Variants in NALF1 observed in about 807,000 individuals in gnomAD.
The protein encoded by NALF1 is family with sequence similarity 155 member A.
In NALF1, 3 loss-of-function variants were observed where a neutral mutation model predicts 48.4. The ratio of observed to expected loss-of-function variants is 0.06; its 90% CI spans 0.03 to 0.16. The LOEUF is 0.16. Ranked by LOEUF, NALF1 falls within the 10% of genes least tolerant of loss-of-function variation. NALF1 has a pLI of 1.00. For missense variants in NALF1, 526 were observed against 571.5 expected (o/e 0.92, Z 0.81); for synonymous variants, 262 against 245.7 (o/e 1.07, Z -0.62).
In NALF1 at chr13:107,426,892, TATAAC is replaced by T. The variant is rs781671756; in HGVS notation, c.916-216142_916-216138del. The stretch of plus-strand genomic sequence containing the variant: ...AATAATTTAAATTTCAGGCTCTTGA[TATAAC>T]AGAATAAAATATCATACAGTTATTA... On this transcript the variant is annotated intron_variant, in intron 1 of 2. Transcript: ENST00000375915. Among the ~76,000 whole-genome samples the T allele has an allele frequency of 3.3e-5, 5 of 152,132 alleles. No homozygotes were observed. In the East Asian group the frequency reaches 5.8e-4, roughly 18 times the overall value.
chr13:107,498,604 A>C (rs1290775702), intron 1 of NALF1, among the ~76,000 whole-genome samples: 1 of 152,198 alleles, frequency 6.6e-6, no homozygotes, highest in Non-Finnish European at 1.5e-5. Context: ...GGGGGAGAAC[A>C]ACGTGGAATT....
intron 1 of NALF1, among the ~76,000 whole-genome samples, chr13:107,713,537 C>T (rs1236026947): frequency 6.6e-6 from 1 of 152,114 alleles, no homozygotes; most frequent in African/African-American, 2.4e-5. Context: ...GATGAGGTAA[C>T]TGAGGGATAA....
intron 1 of NALF1, among the ~76,000 whole-genome samples, chr13:107,864,726 T>C (rs1880663659): frequency 6.6e-6 from 1 of 152,220 alleles, no homozygotes; most frequent in Non-Finnish European, 1.5e-5. Flanking sequence ...GTAAATCTCA[T>C]TTCAGCACCA....
chr13:107,647,741 T>C (rs998789487), intron 1 of NALF1, among the ~76,000 whole-genome samples: 2 of 152,032 alleles, frequency 1.3e-5, no homozygotes, highest in Non-Finnish European at 2.9e-5. Context: ...TAAATATAAT[T>C]AAGGAATATT....
chr13:107,287,741 T>G (rs1287836148), intron 1 of NALF1, among the ~76,000 whole-genome samples: 1 of 151,130 alleles, frequency 6.6e-6, no homozygotes, highest in African/African-American at 2.4e-5. Flanking sequence ...AGTCTTGTTT[T>G]GTCGCCCAGG....
intron 1 of NALF1, among the ~76,000 whole-genome samples, chr13:107,294,238 G>A (rs1332826794): frequency 6.6e-6 from 1 of 152,104 alleles, no homozygotes; most frequent in Non-Finnish European, 1.5e-5. Context: ...AAAATGAGTT[G>A]AATCCCAGGC....
At chr13:107,742,746 G>T (rs77588822) in intron 1 of NALF1, among the ~76,000 whole-genome samples, 6,444 of 152,254 alleles carry the variant, frequency 0.042, 348 homozygotes, top group African/African-American at 0.12. Context: ...TCTCACTAGA[G>T]TGTGGTAAGC....
intron 1 of NALF1, among the ~76,000 whole-genome samples, chr13:107,579,586 C>CT (rs1555310183): frequency 2.0e-5 from 3 of 150,696 alleles, no homozygotes; most frequent in African/African-American, 7.3e-5. Context: ...AGTCTGATGC[C>CT]TTTCTTTTCT....
At chr13:107,474,773 G>A (rs997103293) in intron 1 of NALF1, among the ~76,000 whole-genome samples, 1 of 151,948 alleles carries the variant, frequency 6.6e-6, no homozygotes, top group African/African-American at 2.4e-5. Context: ...AGTTTTTTTT[G>A]TTAACAGAAG....
intron 1 of NALF1, among the ~76,000 whole-genome samples, chr13:107,631,164 T>C (rs900005642): frequency 1.3e-5 from 2 of 152,108 alleles, no homozygotes; most frequent in Admixed American, 1.3e-4. Flanking sequence ...ACCTGGCTAA[T>C]GTTTTTCATT....
chr13:107,585,712 T>C (rs1305707780), intron 1 of NALF1, among the ~76,000 whole-genome samples: 1 of 152,140 alleles, frequency 6.6e-6, no homozygotes, highest in Admixed American at 6.6e-5. Context: ...CCATCTGTTC[T>C]TGGATAATAG....
intron 1 of NALF1, among the ~76,000 whole-genome samples, chr13:107,594,309 C>T (rs1488141134): frequency 6.6e-6 from 1 of 152,060 alleles, no homozygotes; most frequent in Non-Finnish European, 1.5e-5. Context: ...AGGCACTCAA[C>T]AAAGATGAAT....
intron 2 of NALF1, among the ~76,000 whole-genome samples, chr13:107,194,256 G>A (rs1029175311): frequency 1.1e-4 from 16 of 151,986 alleles, no homozygotes; most frequent in African/African-American, 1.7e-4. Context: ...CATCTTGAGC[G>A]CTTGGCTGAT....
At chr13:107,284,555 A>G (rs1305567078) in intron 1 of NALF1, among the ~76,000 whole-genome samples, 3 of 132,730 alleles carry the variant, frequency 2.3e-5, no homozygotes, top group Admixed American at 1.5e-4. Flanking sequence ...TGTAACTGCT[A>G]TGGACTGAAC....
intron 1 of NALF1, among the ~76,000 whole-genome samples, chr13:107,390,087 T>C (rs1158866551): frequency 6.6e-6 from 1 of 152,140 alleles, no homozygotes; most frequent in Non-Finnish European, 1.5e-5. Context: ...AGTAGATTAT[T>C]GGCCGGGCAA....
chr13:107,397,306 T>C (rs1883728965), intron 1 of NALF1, among the ~76,000 whole-genome samples: 1 of 152,138 alleles, frequency 6.6e-6, no homozygotes, highest in Non-Finnish European at 1.5e-5. Context: ...GGAGGAAAAA[T>C]AATTACTTAG....
chr13:107,769,433 C>T (rs1432955245), intron 1 of NALF1, among the ~76,000 whole-genome samples: 1 of 144,616 alleles, frequency 6.9e-6, no homozygotes, highest in South Asian at 2.3e-4. Context: ...AGTAAACTAT[C>T]ACAAGAACAA....
intron 1 of NALF1, among the ~76,000 whole-genome samples, chr13:107,317,054 A>G (rs1224019318): frequency 6.6e-6 from 1 of 152,164 alleles, no homozygotes; most frequent in Non-Finnish European, 1.5e-5. Flanking sequence ...TATTTAGTAG[A>G]TATAAAACTT....
intron 1 of NALF1, among the ~76,000 whole-genome samples, chr13:107,827,854 T>G (rs1302371873): frequency 1.3e-5 from 2 of 152,130 alleles, no homozygotes; most frequent in African/African-American, 4.8e-5. Context: ...TTAAGAAAAT[T>G]TAAGTTGGGT....
Sources: gnomAD v4.1 joint callset for allele counts (sites outside exome capture counted in the v4.1 genomes callset) on GRCh38, gnomAD v4.1.1 for gene constraint, MANE v1.5 for transcripts, NCBI Gene and HGNC (gene_info 2026-07-23, HGNC 2026-07-21) for gene names.